The following MIA2 variants were observed in gnomAD, a reference collection of about 807,000 sequenced individuals.
The protein encoded by MIA2 is melanoma inhibitory activity protein 2.
Under a neutral mutation model 167.8 loss-of-function variants are expected in MIA2, and 127 were observed. That is an observed-to-expected ratio of 0.76 (90% CI 0.66 to 0.88). MIA2 has a LOEUF of 0.88. Ranked by LOEUF, MIA2 falls within the 40% of genes least tolerant of loss-of-function variation. The pLI is 0.00. For missense variants in MIA2, 1,690 were observed against 1,624.7 expected (o/e 1.04, Z -0.69); for synonymous variants, 552 against 541.9 (o/e 1.02, Z -0.26).
At chr14:39,376,554 T>G (rs1375874202) in intron 23 of MIA2, among the ~76,000 whole-genome samples, 1 of 152,164 alleles carries the variant, frequency 6.6e-6, no homozygotes, top group African/African-American at 2.4e-5. Flanking sequence ...CATAAGAGAA[T>G]GTACTATTTC....
Position 39,319,247 on chromosome 14 carries a change from A to G in MIA2, c.3323A>G (p.Lys1108Arg). ...GAGCTTAAATTTGAACTTTTAGAAA[A>G]AGATCCTTATGCACTCGATGTTCCA... ...ETELKFELLE[K>R]DPYALDVPNT... Residue 1108 changes from lysine (K) to arginine (R), a missense_variant, in exon 23 of 29, where the codon AAA (lysine) becomes AGA (arginine). Physicochemically the swap from Lys to Arg is conservative, Grantham distance 26. Transcript: ENST00000640607. 1 of 1,573,616 alleles carries G rather than the reference A, an allele frequency of 6.4e-7. No individual in the cohort carries two copies. Among genetic ancestry groups the G allele is most frequent in the Non-Finnish European group, 8.6e-7 (1 of 1,158,060 alleles).
At chr14:39,286,046 G>T (rs2059728093) in intron 9 of MIA2, among the ~76,000 whole-genome samples, 3 of 152,210 alleles carry the variant, frequency 2.0e-5, no homozygotes, top group African/African-American at 7.2e-5. Flanking sequence ...ACGGGGTGGC[G>T]GCTGGGCAGA....
At chr14:39,331,798 G>A (rs930230451) in intron 25 of MIA2, among the ~76,000 whole-genome samples, 2 of 152,318 alleles carry the variant, frequency 1.3e-5, no homozygotes, top group African/African-American at 4.8e-5. Flanking sequence ...CTTCTGGCTT[G>A]TAGGGTTTCT....
chr14:39,266,779 G>C, intron 6 of MIA2: 1 of 982,490 alleles, frequency 1.0e-6, no homozygotes, highest in Non-Finnish European at 1.2e-6. Flanking sequence ...GCAGGCTCCA[G>C]CGAGGCTGCG....
intron 6 of MIA2, among the ~76,000 whole-genome samples, chr14:39,275,488 T>C (rs1451360887): frequency 6.6e-6 from 1 of 152,234 alleles, no homozygotes; most frequent in Admixed American, 6.5e-5. Flanking sequence ...GAAGAGCTGA[T>C]AAAATGTGAT....
intron 17 of MIA2, 130 bp from the exon 18 acceptor site, chr14:39,308,318 AG>A: frequency 1.7e-6 from 1 of 580,990 alleles, no homozygotes; most frequent in South Asian, 3.6e-5. Flanking sequence ...AATCCCTTAT[AG>A]ATTTTCTGTT....
downstream of MIA2, among the ~76,000 whole-genome samples, chr14:39,351,983 A>C (rs774659589): frequency 5.4e-5 from 8 of 147,018 alleles, no homozygotes; most frequent in Non-Finnish European, 1.0e-4. Flanking sequence ...TAAACATCAA[A>C]GTCAAATGAC....
intron 4 of MIA2, among the ~76,000 whole-genome samples, chr14:39,250,155 C>T (rs1385093591): frequency 2.0e-5 from 3 of 152,056 alleles, no homozygotes; most frequent in Admixed American, 6.6e-5. Context: ...AGACTACAAC[C>T]AAACAATATT....
rs376937331 is a variant in MIA2 at position 39,326,357 on chromosome 14, G to A, written c.3497-507G>A. ...ATCTTTTTTATCTTCTCATTGACTC[G>A]TAACACTATTCAGTGAATTTGGGCA... On this transcript the variant is annotated intron_variant, in intron 24 of 28. Coordinates refer to ENST00000640607, the MANE Select transcript of MIA2 (RefSeq NM_001329214.4). 5.9e-5 allele frequency among the ~76,000 whole-genome samples: 9 copies of A among 152,110 alleles called. No homozygotes were observed. In the East Asian group the frequency reaches 7.7e-4, roughly 13 times the overall value.
intron 21 of MIA2, among the ~76,000 whole-genome samples, chr14:39,316,988 C>T (rs190101500): frequency 5.9e-5 from 9 of 152,234 alleles, no homozygotes; most frequent in South Asian, 2.1e-4. Context: ...CCTCCCTCAC[C>T]GCTGCGTATT....
chr14:39,360,040 G>A (rs985630972), intron 23 of MIA2, among the ~76,000 whole-genome samples: 5 of 145,910 alleles, frequency 3.4e-5, no homozygotes, highest in African/African-American at 1.0e-4. Flanking sequence ...CTGGCCAGAC[G>A]CAGTGGCTCA....
chr14:39,248,256 T>TC, intron 4 of MIA2, 115 bp downstream of exon 4: 1 of 775,004 alleles, frequency 1.3e-6, no homozygotes, highest in Non-Finnish European at 1.8e-6. Context: ...AATACTTAGC[T>TC]CTTTCATCAA....
At chr14:39,305,922 C>T (rs542408846) in intron 17 of MIA2, among the ~76,000 whole-genome samples, 3 of 136,750 alleles carry the variant, frequency 2.2e-5, no homozygotes, top group East Asian at 2.1e-4. Flanking sequence ...GGCAACCAAG[C>T]GAGACTTTGT....
At chr14:39,308,792 G>C (rs1473408297) in intron 18 of MIA2, among the ~76,000 whole-genome samples, 1 of 152,168 alleles carries the variant, frequency 6.6e-6, no homozygotes, top group Non-Finnish European at 1.5e-5. Flanking sequence ...GAATTTCCAA[G>C]CTAGTTAACA....
At position 39,236,990 on chromosome 14, in the gene MIA2, AAGGG is replaced by A; in HGVS notation, c.187_190del (p.Gly63LysfsTer59). 1 of 1,614,028 alleles carries A rather than the reference AAGGG, an allele frequency of 6.2e-7. No individual in the cohort carries two copies. Among genetic ancestry groups the A allele is most frequent in the East Asian group, 2.2e-5 (1 of 44,876 alleles). On this transcript the variant is annotated frameshift_variant, in exon 2 of 29. Transcript: ENST00000640607. LOFTEE classifies it high-confidence loss of function. The stretch of plus-strand genomic sequence containing the variant: ...TGACTGCCGATACCTGAACTTCACT[AAGGG>A]AGAAGAGATATCTGTTTATGTTAAA...
intron 6 of MIA2, among the ~76,000 whole-genome samples, chr14:39,268,587 C>T (rs1238746082): frequency 6.6e-6 from 1 of 152,114 alleles, no homozygotes; most frequent in Non-Finnish European, 1.5e-5. Flanking sequence ...TGATGCTTGC[C>T]GGAGATGTAA....
chr14:39,307,506 A>G (rs543028092), intron 17 of MIA2, among the ~76,000 whole-genome samples: 1 of 141,396 alleles, frequency 7.1e-6, no homozygotes, highest in Admixed American at 7.9e-5. Flanking sequence ...GGTTCAAGCA[A>G]TTCTCCTTCC....
chr14:39,328,785 G>T (rs921945551), intron 25 of MIA2, among the ~76,000 whole-genome samples: 9 of 152,144 alleles, frequency 5.9e-5, no homozygotes, highest in Admixed American at 6.5e-5. Context: ...TAGATGTGTT[G>T]TGTTATTTCT....
intron 6 of MIA2, among the ~76,000 whole-genome samples, chr14:39,263,633 C>T (rs866393818): frequency 5.4e-4 from 71 of 130,888 alleles, no homozygotes; most frequent in African/African-American, 1.2e-3. Context: ...CTCTCTCTCT[C>T]TTTTTTTTTT....
Sources: gnomAD v4.1 joint callset for allele counts (sites outside exome capture counted in the v4.1 genomes callset) on GRCh38, gnomAD v4.1.1 for gene constraint, MANE v1.5 for transcripts, NCBI Gene and HGNC (gene_info 2026-07-23, HGNC 2026-07-21) for gene names.